Variants in GRIN2A observed in about 807,000 individuals in gnomAD.
GRIN2A encodes the protein glutamate ionotropic receptor NMDA type subunit 2A.
In GRIN2A, 22 loss-of-function variants were observed where a neutral mutation model predicts 113.4. That is an observed-to-expected ratio of 0.19 (90% CI 0.14 to 0.28). GRIN2A has a LOEUF of 0.28. Ranked by LOEUF, GRIN2A falls within the 10% of genes least tolerant of loss-of-function variation. The probability of loss-of-function intolerance (pLI) is 1.00; values close to 1 mark genes in which losing one functional copy is unlikely to be tolerated. For synonymous variants in GRIN2A, 827 were observed against 738.4 expected, an observed-to-expected ratio of 1.12 and a Z score of -1.94; for missense variants, 1,502 against 1,887.0, an observed-to-expected ratio of 0.80 and a Z score of 3.78.
intron 7 of GRIN2A, among the ~76,000 whole-genome samples, chr16:9,835,131 AG>A (rs1276594305): frequency 6.6e-6 from 1 of 152,218 alleles, no homozygotes; most frequent in African/African-American, 2.4e-5. Flanking sequence ...CTTTTGCCTC[AG>A]ATAGATGAGA....
intron 11 of GRIN2A, among the ~76,000 whole-genome samples, chr16:9,782,056 C>T (rs962007242): frequency 3.9e-5 from 6 of 151,958 alleles, no homozygotes; most frequent in Non-Finnish European, 7.4e-5. Context: ...GGAGATAATA[C>T]ATAAATTAAA....
rs185862422 is a variant in GRIN2A, at chr16:10,004,148, T to G, written c.415-65597A>C. Among the ~76,000 whole-genome samples, 131 of 152,162 alleles carry G rather than the reference T, an allele frequency of 8.6e-4. 3 individuals carry two copies. In the East Asian group the frequency reaches 0.017, roughly 20 times the overall value. On this transcript the variant is annotated intron_variant, in intron 2 of 12. Transcript: ENST00000330684. ...GCTCACACCTGTAATCCCAGCATTT[T>G]GGGAGGCTGAGGCGGGCACATCACG... is the stretch of plus-strand genomic sequence containing the variant.
At position 9,836,300 on chromosome 16, in the gene GRIN2A, C is replaced by G. The variant is rs115108992; in HGVS notation, c.1652-2070G>C. ...GATTCCAGGATTAAAGCCAGAAATA[C>G]TGGGGCAACAATACGCTGTCCATGG... On this transcript the variant is annotated intron_variant, in intron 7 of 12. Transcript: ENST00000330684. Among the ~76,000 whole-genome samples, 282 of 152,252 alleles carry G rather than the reference C, an allele frequency of 1.9e-3. 2 individuals are homozygous for G. Among genetic ancestry groups the G allele is most frequent in the African/African-American group, 6.4e-3 (264 of 41,548 alleles).
At chr16:9,847,244 CTAAA>C (rs1276734366) in intron 5 of GRIN2A, among the ~76,000 whole-genome samples, 3 of 151,998 alleles carry the variant, frequency 2.0e-5, no homozygotes, top group Non-Finnish European at 4.4e-5. Flanking sequence ...AAAGTGGAAA[CTAAA>C]TAATTATTTT....
intron 2 of GRIN2A, among the ~76,000 whole-genome samples, chr16:10,093,434 G>A (rs1384487901): frequency 1.3e-5 from 2 of 152,076 alleles, no homozygotes; most frequent in African/African-American, 2.4e-5. Context: ...GGAGGGGCTG[G>A]GCCTCCATAG....
chr16:9,969,191 C>A (rs1375020581), intron 2 of GRIN2A, among the ~76,000 whole-genome samples: 1 of 152,096 alleles, frequency 6.6e-6, no homozygotes, highest in Non-Finnish European at 1.5e-5. Flanking sequence ...TCAAGGTGAT[C>A]TCCTCGTCCC....
At chr16:10,053,977 T>C (rs2047403930) in intron 2 of GRIN2A, among the ~76,000 whole-genome samples, 1 of 149,144 alleles carries the variant, frequency 6.7e-6, no homozygotes, top group Admixed American at 6.7e-5. Context: ...AAAGTAATCG[T>C]GGTTTGTAAT....
chr16:9,881,267 C>A (rs181717060), intron 4 of GRIN2A, among the ~76,000 whole-genome samples: 3 of 152,196 alleles, frequency 2.0e-5, no homozygotes, highest in African/African-American at 7.2e-5. Context: ...TCCTTCTTTC[C>A]TTTTCCTCTG....
intron 4 of GRIN2A, among the ~76,000 whole-genome samples, chr16:9,850,270 G>A (rs371625628): frequency 1.8e-4 from 28 of 152,282 alleles, no homozygotes; most frequent in African/African-American, 5.5e-4. Flanking sequence ...CAGGACCACG[G>A]ATGGCAAGGA....
intron 4 of GRIN2A, among the ~76,000 whole-genome samples, chr16:9,875,107 T>G (rs2215717): frequency 0.93 from 139,481 of 150,242 alleles, 64,360 homozygotes; most frequent in East Asian, 1. Flanking sequence ...GCAATTATCT[T>G]GCCTCAGTCC....
intron 2 of GRIN2A, among the ~76,000 whole-genome samples, chr16:9,974,868 A>C (rs11644233): frequency 0.37 from 55,785 of 151,968 alleles, 10,447 homozygotes; most frequent in Middle Eastern, 0.39. Flanking sequence ...TAGGACTTCC[A>C]GTACTATGCT....
At chr16:9,919,579 T>G (rs552353255) in intron 3 of GRIN2A, among the ~76,000 whole-genome samples, 2 of 152,312 alleles carry the variant, frequency 1.3e-5, no homozygotes, top group Non-Finnish European at 2.9e-5. Flanking sequence ...GAAAAGCTGG[T>G]GTCTAACAGG....
chr16:9,944,226 T>A (rs2044961431), intron 2 of GRIN2A, among the ~76,000 whole-genome samples: 1 of 152,238 alleles, frequency 6.6e-6, no homozygotes, highest in African/African-American at 2.4e-5. Flanking sequence ...TAAGCCCTGA[T>A]GTGCTTTCTG....
At chr16:10,005,276 T>C (rs2046386382) in intron 2 of GRIN2A, among the ~76,000 whole-genome samples, 1 of 152,248 alleles carries the variant, frequency 6.6e-6, no homozygotes, top group Non-Finnish European at 1.5e-5. Context: ...AAGCTACTTA[T>C]ATTCTGGGCC....
chr16:9,873,910 A>G (rs967757796), intron 4 of GRIN2A, among the ~76,000 whole-genome samples: 1 of 152,214 alleles, frequency 6.6e-6, no homozygotes, highest in African/African-American at 2.4e-5. Context: ...GTAGGAATCA[A>G]CAGGAATTAG....
intron 9 of GRIN2A, 29 bp downstream of exon 9, chr16:9,829,394 A>T: frequency 6.9e-7 from 1 of 1,444,402 alleles, no homozygotes; most frequent in Non-Finnish European, 9.7e-7. Context: ...ACCAACCCTC[A>T]GATGGAGAGG....
chr16:10,146,456 C>G (rs574374484), intron 2 of GRIN2A, among the ~76,000 whole-genome samples: 17 of 152,184 alleles, frequency 1.1e-4, no homozygotes, highest in Admixed American at 2.0e-4. Context: ...ATGTTTGCAT[C>G]AGAGGGTGGT....
chr16:9,983,470 C>T (rs1270494586), intron 2 of GRIN2A, among the ~76,000 whole-genome samples: 13 of 147,250 alleles, frequency 8.8e-5, no homozygotes, highest in African/African-American at 2.0e-4. Context: ...GATGGAGTCT[C>T]GCTTTGTCAC....
chr16:10,138,329 A>C (rs974844985), intron 2 of GRIN2A, among the ~76,000 whole-genome samples: 3 of 152,188 alleles, frequency 2.0e-5, no homozygotes, highest in African/African-American at 7.2e-5. Context: ...GTAATTTATA[A>C]GGAACAGAGG....
Sources: gnomAD v4.1 joint callset for allele counts (sites outside exome capture counted in the v4.1 genomes callset) on GRCh38, gnomAD v4.1.1 for gene constraint, MANE v1.5 for transcripts, NCBI Gene and HGNC (gene_info 2026-07-23, HGNC 2026-07-21) for gene names.